Variants in ADAMTSL1 observed in about 807,000 individuals in gnomAD.
ADAMTSL1 encodes ADAMTS-like protein 1.
A neutral mutation model predicts 201.8 loss-of-function variants in ADAMTSL1; 126 were observed. That is an observed-to-expected ratio of 0.62 (90% confidence interval 0.54 to 0.72). The LOEUF is 0.72. Ranked by LOEUF, ADAMTSL1 falls within the 30% of genes least tolerant of loss-of-function variation. The probability of loss-of-function intolerance (pLI) is 0.00; values close to 1 mark genes in which losing one functional copy is unlikely to be tolerated. For synonymous variants in ADAMTSL1, 1,121 were observed against 903.4 expected, an observed-to-expected ratio of 1.24 and a Z score of -4.32; for missense variants, 2,679 against 2,277.8, an observed-to-expected ratio of 1.18 and a Z score of -3.59.
At chr9:18,293,906 G>C (rs1563865424) in intron 2 of ADAMTSL1, among the ~76,000 whole-genome samples, 1 of 152,142 alleles carries the variant, frequency 6.6e-6, no homozygotes, top group Non-Finnish European at 1.5e-5. Context: ...GAATGGGGTG[G>C]AGGAGGAGGT....
intron 1 of ADAMTSL1, among the ~76,000 whole-genome samples, chr9:18,143,118 C>A (rs1826472597): frequency 6.6e-6 from 1 of 152,170 alleles, no homozygotes; most frequent in South Asian, 2.1e-4. Context: ...TGGAGTTAAA[C>A]AAGCTTGTAA....
At chr9:18,347,668 T>A (rs1835785083) in intron 2 of ADAMTSL1, among the ~76,000 whole-genome samples, 3 of 152,238 alleles carry the variant, frequency 2.0e-5, no homozygotes, top group South Asian at 4.1e-4. Context: ...CAAATGAAAA[T>A]CAGTTGGGCA....
intron 2 of ADAMTSL1, among the ~76,000 whole-genome samples, chr9:18,407,345 A>G (rs1818249911): frequency 6.6e-6 from 1 of 152,238 alleles, no homozygotes; most frequent in Admixed American, 6.5e-5. Flanking sequence ...GGAACATGGT[A>G]CATTTATCAT....
intron 23 of ADAMTSL1, among the ~76,000 whole-genome samples, chr9:18,884,685 C>G (rs1440221101): frequency 1.3e-5 from 2 of 152,120 alleles, no homozygotes; most frequent in Non-Finnish European, 2.9e-5. Context: ...TCTTAGCAAC[C>G]TTGTCAAAAA....
chr9:17,979,507 CTG>C, intron 1 of ADAMTSL1, among the ~76,000 whole-genome samples: 1 of 142,808 alleles, frequency 7.0e-6, no homozygotes. Context: ...ATTTCATTCA[CTG>C]TATTCCTCAG....
At chr9:18,333,017 C>T (rs1166405492) in intron 2 of ADAMTSL1, among the ~76,000 whole-genome samples, 1 of 152,158 alleles carries the variant, frequency 6.6e-6, no homozygotes, top group Non-Finnish European at 1.5e-5. Context: ...GCATTATTTT[C>T]TCCCATTTTC....
chr9:18,205,073 G>A (rs1164785769), intron 2 of ADAMTSL1, among the ~76,000 whole-genome samples: 1 of 152,120 alleles, frequency 6.6e-6, no homozygotes, highest in Admixed American at 6.6e-5. Flanking sequence ...ACCAGGATAA[G>A]TTCTGGACAT....
intron 2 of ADAMTSL1, among the ~76,000 whole-genome samples, chr9:18,177,405 A>T (rs543529724): frequency 6.6e-6 from 1 of 152,178 alleles, no homozygotes; most frequent in Non-Finnish European, 1.5e-5. Flanking sequence ...ATGTGGCTAA[A>T]ACGTTGCGTC....
chr9:18,861,829 TACTC>T (rs1176535468), intron 23 of ADAMTSL1, among the ~76,000 whole-genome samples: 1 of 152,188 alleles, frequency 6.6e-6, no homozygotes, highest in Non-Finnish European at 1.5e-5. Context: ...CCTCTGTCCT[TACTC>T]CTCCTCCTGC....
intron 14 of ADAMTSL1, among the ~76,000 whole-genome samples, chr9:18,715,367 G>C (rs1832860497): frequency 6.6e-6 from 1 of 152,102 alleles, no homozygotes. Flanking sequence ...ATCTCCTTAA[G>C]CTGATAAGCA....
intron 4 of ADAMTSL1, among the ~76,000 whole-genome samples, chr9:18,620,315 A>C (rs1304976418): frequency 6.6e-6 from 1 of 152,100 alleles, no homozygotes; most frequent in Non-Finnish European, 1.5e-5. Context: ...TGATTTGGGC[A>C]CTATCTCCCT....
intron 23 of ADAMTSL1, among the ~76,000 whole-genome samples, chr9:18,844,746 G>A (rs1349460291): frequency 1.3e-5 from 2 of 152,236 alleles, no homozygotes; most frequent in Non-Finnish European, 2.9e-5. Flanking sequence ...GCAATGGCGG[G>A]CGCCCCTCCC....
chr9:18,049,968 C>T (rs572785966), intron 1 of ADAMTSL1, among the ~76,000 whole-genome samples: 3 of 152,146 alleles, frequency 2.0e-5, no homozygotes, highest in Non-Finnish European at 2.9e-5. Flanking sequence ...TTTTGTAACA[C>T]ATTTATTTGA....
chr9:18,164,577 C>T (rs889231916), intron 2 of ADAMTSL1, among the ~76,000 whole-genome samples: 5 of 151,590 alleles, frequency 3.3e-5, no homozygotes, highest in African/African-American at 9.7e-5. Context: ...ATTTGGACTT[C>T]TTTGTGAGAA....
At chr9:18,760,676 C>A (rs1761492944) in intron 16 of ADAMTSL1, among the ~76,000 whole-genome samples, 1 of 152,204 alleles carries the variant, frequency 6.6e-6, no homozygotes, top group Non-Finnish European at 1.5e-5. Context: ...AAAGGCACTT[C>A]ACCATGTGCT....
rs1588086634 is a variant in ADAMTSL1 at position 18,775,877 on chromosome 9, T to C, written c.2532T>C (p.Cys844=). Residue 844 remains cysteine, a synonymous_variant, in exon 18 of 29, where the codon TGT becomes TGC. Coordinates refer to ENST00000380548, the MANE Select transcript of ADAMTSL1 (RefSeq NM_001040272.6). The part of the protein sequence containing the change: ...PLPFSSSIRP[C]MLATCARPGR... ...CTTTCTCTTCCTCCATCAGGCCCTG[T>C]ATGCTGGCAACCTGTGCAAGTAAGT... is the stretch of plus-strand genomic sequence containing the variant. 1 of 1,598,278 alleles carries C rather than the reference T, an allele frequency of 6.3e-7. No homozygotes were observed. Among genetic ancestry groups the C allele is most frequent in the Non-Finnish European group, 8.5e-7 (1 of 1,171,852 alleles).
intron 1 of ADAMTSL1, among the ~76,000 whole-genome samples, chr9:17,974,393 C>G (rs1818352948): frequency 6.6e-6 from 1 of 152,044 alleles, no homozygotes; most frequent in South Asian, 2.1e-4. Context: ...GCAACTTCAG[C>G]AAAGTTCTAT....
At chr9:18,757,558 G>C (rs1295668731) in intron 16 of ADAMTSL1, among the ~76,000 whole-genome samples, 2 of 151,966 alleles carry the variant, frequency 1.3e-5, no homozygotes, top group Non-Finnish European at 2.9e-5. Context: ...CTCCAGGCAT[G>C]GCTCTCCCAT....
intron 23 of ADAMTSL1, among the ~76,000 whole-genome samples, chr9:18,874,968 T>G (rs1313164851): frequency 6.6e-6 from 1 of 152,178 alleles, no homozygotes; most frequent in Non-Finnish European, 1.5e-5. Context: ...GTTCAGAGTT[T>G]CTGTTTTTTC....
Sources: allele counts gnomAD v4.1 joint callset (sites outside exome capture counted in the v4.1 genomes callset), GRCh38; gene constraint gnomAD v4.1.1; transcripts MANE v1.5; gene names NCBI Gene and HGNC (gene_info 2026-07-23, HGNC 2026-07-21).